Variants in PCDHA2 observed in about 807,000 individuals in gnomAD.
PCDHA2 encodes the protein protocadherin alpha-2.
PCDHA2 carries 58 observed loss-of-function variants against 66.0 expected under a neutral mutation model. That is an observed-to-expected ratio of 0.88 (90% CI 0.71 to 1.09). The LOEUF is 1.09. Ranked by LOEUF, PCDHA2 falls within the 50% of genes least tolerant of loss-of-function variation. The probability of loss-of-function intolerance (pLI) is 0.00; values close to 1 mark genes in which losing one functional copy is unlikely to be tolerated. For missense variants in PCDHA2, 1,267 were observed against 1,242.3 expected, an observed-to-expected ratio of 1.02 and a Z score of -0.30; for synonymous variants, 634 against 554.0, an observed-to-expected ratio of 1.14 and a Z score of -2.03.
At chr5:140,801,599 A>G (rs1372616794) in intron 1 of PCDHA2, 2 of 1,614,042 alleles carry the variant, frequency 1.2e-6, no homozygotes, top group African/African-American at 2.7e-5. Flanking sequence ...CAGTTTTTCC[A>G]ATGGCTGTAA....
intron 1 of PCDHA2, among the ~76,000 whole-genome samples, chr5:140,886,563 C>CA (rs1344648100): frequency 6.6e-6 from 1 of 152,024 alleles, no homozygotes. Context: ...CACGGTGGCT[C>CA]ACGCCTGTAA....
In PCDHA2 at chr5:140,916,964, T is replaced by C. The variant is rs139574694; in HGVS notation, c.2389-61985T>C. On this transcript the variant is annotated intron_variant, in intron 1 of 3. Transcript: ENST00000526136. The stretch of plus-strand genomic sequence containing the variant: ...GTGAGGCTTGCTGAGTTCTGACTGC[T>C]GGGATGAGTGATTCGCCTCTGGCCA... Among the ~76,000 whole-genome samples, 15 of 152,322 alleles carry C rather than the reference T, an allele frequency of 9.8e-5. No individual in the cohort carries two copies. In the East Asian group the frequency reaches 2.9e-3, roughly 29 times the overall value.
chr5:140,903,753 A>T (rs1554191101), intron 1 of PCDHA2, among the ~76,000 whole-genome samples: 2 of 152,186 alleles, frequency 1.3e-5, no homozygotes, highest in African/African-American at 4.8e-5. Context: ...GTTTCCCTTG[A>T]TTTTTGCTGA....
At chr5:140,935,402 A>T (rs1297077002) in intron 1 of PCDHA2, among the ~76,000 whole-genome samples, 2 of 152,212 alleles carry the variant, frequency 1.3e-5, no homozygotes, top group Non-Finnish European at 2.9e-5. Flanking sequence ...ACGGGACTCA[A>T]ACAATGGACT....
At chr5:140,861,541 A>C (rs2046969106) in intron 1 of PCDHA2, 1 of 426,724 alleles carries the variant, frequency 2.3e-6, no homozygotes, top group Admixed American at 2.3e-5. Context: ...TGCAGCATCC[A>C]CCTGGAAGTG....
At chr5:140,834,242 C>T in intron 1 of PCDHA2, 8 of 829,662 alleles carry the variant, frequency 9.6e-6, no homozygotes, top group Non-Finnish European at 1.5e-5. Flanking sequence ...TTCCTTTTCG[C>T]ACTGGAAAGA....
intron 1 of PCDHA2, chr5:140,836,490 G>T: frequency 6.2e-7 from 1 of 1,613,864 alleles, no homozygotes; most frequent in Non-Finnish European, 8.5e-7. Flanking sequence ...CCTGATCATC[G>T]CCATCTGCGC....
intron 1 of PCDHA2, among the ~76,000 whole-genome samples, chr5:140,964,573 G>A (rs191009049): frequency 3.0e-4 from 45 of 152,274 alleles, no homozygotes; most frequent in African/African-American, 1.9e-4. Flanking sequence ...GAGGAGATAA[G>A]GGGAGGAAAG....
rs150382315 is a variant in PCDHA2, at chr5:140,929,255, G to A, written c.2389-49694G>A. 5.2e-5 allele frequency: 84 copies of A among 1,613,256 alleles called. No homozygotes were observed. In the South Asian group the frequency reaches 8.9e-4, roughly 17 times the overall value. On this transcript the variant is annotated intron_variant, in intron 1 of 3. Coordinates refer to ENST00000526136, the MANE Select transcript of PCDHA2 (RefSeq NM_018905.3). ...CTGCGAAATCTTGCCACTGGGGTAG[G>A]ACTGAATTTGCCAATATCCTGTATT...
In PCDHA2 at chr5:140,796,047, G is replaced by A; in HGVS notation, c.1083G>A (p.Glu361=). Residue 361 remains glutamate (E), a synonymous_variant, in exon 1 of 4, where the codon GAG becomes GAA. Transcript: ENST00000526136. ...CGTCTCTCTCACTTCCCATCTCAGA[G>A]AACGCTTCCCTGGGCACTGTCATTG... ...SITSLSLPIS[E]NASLGTVIAL... The A allele has an allele frequency of 6.2e-7, 1 of 1,614,194 alleles. No individual in the cohort carries two copies. Among genetic ancestry groups the A allele is most frequent in the Non-Finnish European group, 8.5e-7 (1 of 1,180,040 alleles).
intron 1 of PCDHA2, among the ~76,000 whole-genome samples, chr5:140,941,227 CTT>C (rs797022976): frequency 1.5e-5 from 2 of 136,000 alleles, no homozygotes; most frequent in Admixed American, 7.7e-5. Context: ...TTCTTTCTTT[CTT>C]TCTTTCTTTC....
rs2150401369 is a variant in PCDHA2, at chr5:140,847,510, G to A, written c.2388+50158G>A. On this transcript the variant is annotated intron_variant, in intron 1 of 3. Transcript: ENST00000526136. The stretch of plus-strand genomic sequence containing the variant: ...GTAAAACTCACAACAAAACTTTGTA[G>A]AACTTAGTCAGGAAAAGAATCTCAA... The A allele has an allele frequency of 4.2e-4, 63 of 149,756 alleles. 2 individuals carry two copies. Among genetic ancestry groups the A allele is most frequent in the African/African-American group, 1.5e-3 (63 of 41,018 alleles). The allele number at this position is 149,756 out of a possible 1,614,324, so 9.3% of individuals were successfully genotyped here.
chr5:140,975,890 T>C (rs542825387), intron 1 of PCDHA2, among the ~76,000 whole-genome samples: 1 of 152,310 alleles, frequency 6.6e-6, no homozygotes, highest in South Asian at 2.1e-4. Flanking sequence ...TTTCCACATA[T>C]GGAGTTTTGT....
Position 140,841,926 on chromosome 5 carries a change from G to T in PCDHA2, c.2388+44574G>T, listed in dbSNP as rs1490008187. 5.6e-6 allele frequency: 9 copies of T among 1,613,806 alleles called. No individual in the cohort carries two copies. The Admixed American group carries it at 1.5e-4, about 27-fold the overall frequency. On this transcript the variant is annotated intron_variant, in intron 1 of 3. Transcript: ENST00000526136. ...CTCGTATTAAGAAAATCCTTGGACA[G>T]AGAGGACGCTCCTGCGCACCACTTA...
chr5:140,877,844 G>A lies in PCDHA2; in HGVS notation c.2388+80492G>A, dbSNP rs945643108. The A allele has an allele frequency of 5.1e-6, 8 of 1,568,656 alleles. No homozygotes were observed. In the African/African-American group the frequency reaches 8.3e-5, roughly 16 times the overall value. ...TGTTTAAATCCTCCCAGTGAAGTAA[G>A]TTATTAATATTATTTAGATATATTT... On this transcript the variant is annotated intron_variant, in intron 1 of 3. Coordinates refer to ENST00000526136, the MANE Select transcript of PCDHA2 (RefSeq NM_018905.3).
intron 1 of PCDHA2, chr5:140,843,071 T>C (rs2150189286): frequency 2.5e-6 from 4 of 1,595,230 alleles, no homozygotes; most frequent in East Asian, 2.2e-5. Context: ...GGTGCCGCGG[T>C]CTGTGGGCGC....
intron 1 of PCDHA2, chr5:140,969,293 C>T: frequency 6.2e-7 from 1 of 1,614,188 alleles, no homozygotes; most frequent in Admixed American, 1.7e-5. Flanking sequence ...TGCTGGGAAC[C>T]TGATTATTCT....
rs781975666 is a variant in PCDHA2, at chr5:140,856,109, G to A, written c.2388+58757G>A. 6.9e-6 allele frequency: 11 copies of A among 1,597,740 alleles called. 1 individual carries two copies. The highest frequency in any genetic ancestry group is 4.0e-5 in the African/African-American group (3 of 74,230). On this transcript the variant is annotated intron_variant, in intron 1 of 3. Transcript: ENST00000526136. The stretch of plus-strand genomic sequence containing the variant: ...TCTGCTGCTCTCGCTTCTTCTCCTC[G>A]CAGCCTGGGAGGTGGGGAGCGGCCA...
At chr5:141,006,950 T>G (rs1169196116) in intron 3 of PCDHA2, among the ~76,000 whole-genome samples, 1 of 152,148 alleles carries the variant, frequency 6.6e-6, no homozygotes, top group African/African-American at 2.4e-5. Flanking sequence ...AGATAGGCAG[T>G]TATACATGAG....
Sources: gnomAD v4.1 joint callset for allele counts (sites outside exome capture counted in the v4.1 genomes callset) on GRCh38, gnomAD v4.1.1 for gene constraint, MANE v1.5 for transcripts, NCBI Gene and HGNC (gene_info 2026-07-23, HGNC 2026-07-21) for gene names.